The following MKLN1 variants were observed in gnomAD, a reference collection of about 807,000 sequenced individuals.
MKLN1 encodes muskelin.
MKLN1 carries 18 observed loss-of-function variants against 99.0 expected under a neutral mutation model. The observed-to-expected ratio is 0.18, with a 90% CI of 0.13 to 0.27. MKLN1 has a LOEUF of 0.27. Ranked by LOEUF, MKLN1 falls within the 10% of genes least tolerant of loss-of-function variation. The probability of loss-of-function intolerance (pLI) is 1.00; values close to 1 mark genes in which losing one functional copy is unlikely to be tolerated. For missense variants in MKLN1, 621 were observed against 875.9 expected (o/e 0.71, Z 3.67); for synonymous variants, 288 against 293.2 (o/e 0.98, Z 0.18).
At chr7:131,183,576 C>T (rs778536633) in intron 2 of MKLN1, among the ~76,000 whole-genome samples, 14 of 152,080 alleles carry the variant, frequency 9.2e-5, no homozygotes, top group Non-Finnish European at 1.3e-4. Flanking sequence ...AGTGTTAAAC[C>T]GTATGAAACA....
chr7:131,207,121 T>A (rs1796824558), intron 3 of MKLN1, among the ~76,000 whole-genome samples: 1 of 152,158 alleles, frequency 6.6e-6, no homozygotes, highest in Non-Finnish European at 1.5e-5. Context: ...TGAAGATATT[T>A]GAAGATGGGA....
chr7:131,444,849 G>C (rs1795963799), intron 11 of MKLN1, among the ~76,000 whole-genome samples: 1 of 150,926 alleles, frequency 6.6e-6, no homozygotes, highest in Admixed American at 6.6e-5. Context: ...GGAAGTAGGA[G>C]ACAGGGCCTT....
At chr7:131,447,631 T>C (rs1796052900) in intron 12 of MKLN1, among the ~76,000 whole-genome samples, 1 of 152,200 alleles carries the variant, frequency 6.6e-6, no homozygotes, top group Non-Finnish European at 1.5e-5. Context: ...GTAATTGATA[T>C]GACAATATGT....
chr7:131,185,215 C>T (rs1796431202), intron 2 of MKLN1, among the ~76,000 whole-genome samples: 1 of 152,170 alleles, frequency 6.6e-6, no homozygotes, highest in South Asian at 2.1e-4. Context: ...AATTCTCTGA[C>T]TCCTAACCTT....
intron 2 of MKLN1, among the ~76,000 whole-genome samples, chr7:131,184,156 G>A (rs1238123443): frequency 6.6e-6 from 1 of 151,974 alleles, no homozygotes; most frequent in African/African-American, 2.4e-5. Context: ...TTTAGAGACA[G>A]GGTCTCACTA....
At chr7:131,243,349 C>T (rs1370236300) in intron 3 of MKLN1, among the ~76,000 whole-genome samples, 3 of 152,034 alleles carry the variant, frequency 2.0e-5, no homozygotes, top group Admixed American at 1.3e-4. Context: ...TTCCGCAGTC[C>T]GTATAGAACA....
At chr7:131,303,426 A>C (rs1798404979) in intron 3 of MKLN1, among the ~76,000 whole-genome samples, 1 of 152,244 alleles carries the variant, frequency 6.6e-6, no homozygotes, top group African/African-American at 2.4e-5. Flanking sequence ...AATAAAAGGG[A>C]TATCCCCTTA....
intron 15 of MKLN1, among the ~76,000 whole-genome samples, chr7:131,467,005 T>C (rs1253385127): frequency 6.6e-6 from 1 of 152,110 alleles, no homozygotes; most frequent in Admixed American, 6.5e-5. Context: ...TACTAAAAAA[T>C]GCAGAAAAGG....
chr7:131,459,355 GA>G (rs1324076963), intron 12 of MKLN1, among the ~76,000 whole-genome samples: 6 of 152,132 alleles, frequency 3.9e-5, no homozygotes, highest in Admixed American at 1.3e-4. Context: ...CTAGTTTTTA[GA>G]ATTTAAAAGT....
At chr7:131,289,901 C>T (rs576364311) in intron 3 of MKLN1, among the ~76,000 whole-genome samples, 6 of 152,346 alleles carry the variant, frequency 3.9e-5, no homozygotes, top group African/African-American at 1.4e-4. Context: ...CACTTCTGAC[C>T]AAGGGCCTTT....
intron 3 of MKLN1, among the ~76,000 whole-genome samples, chr7:131,224,659 T>A (rs893784253): frequency 1.3e-4 from 19 of 151,526 alleles, no homozygotes; most frequent in African/African-American, 4.4e-4. Flanking sequence ...AGAGGATTAC[T>A]TGAACCCAGG....
intron 1 of MKLN1, among the ~76,000 whole-genome samples, chr7:131,372,182 T>C (rs905073230): frequency 2.0e-5 from 3 of 152,102 alleles, no homozygotes; most frequent in Non-Finnish European, 2.9e-5. Context: ...ATCATAGTTA[T>C]AATGTATTAG....
upstream of MKLN1, among the ~76,000 whole-genome samples, chr7:131,326,215 C>G (rs1798886372): frequency 6.6e-6 from 1 of 152,218 alleles, no homozygotes; most frequent in Non-Finnish European, 1.5e-5. Flanking sequence ...GGCTAACATT[C>G]TCTGGCCCTT....
intron 3 of MKLN1, among the ~76,000 whole-genome samples, chr7:131,261,227 G>T (rs1470405952): frequency 3.9e-5 from 6 of 152,090 alleles, no homozygotes; most frequent in South Asian, 2.1e-4. Flanking sequence ...ATGAGAGAAA[G>T]TATTTGCAAA....
intron 1 of MKLN1, among the ~76,000 whole-genome samples, chr7:131,333,122 C>T (rs906061870): frequency 6.6e-6 from 1 of 152,168 alleles, no homozygotes; most frequent in Non-Finnish European, 1.5e-5. Flanking sequence ...CACTGTTTCA[C>T]CATGTTGGCC....
At chr7:131,191,326 G>A (rs2116383482) in intron 2 of MKLN1, among the ~76,000 whole-genome samples, 1 of 152,342 alleles carries the variant, frequency 6.6e-6, no homozygotes, top group East Asian at 1.9e-4. Context: ...AGAAATCAAT[G>A]CCTTTCCAGA....
intron 1 of MKLN1, 138 bp downstream of exon 1, chr7:131,328,135 AGTT>A: frequency 9.3e-7 from 1 of 1,069,990 alleles, no homozygotes; most frequent in Non-Finnish European, 1.3e-6. Context: ...CCGGAGTCTT[AGTT>A]CAGCTGCTGA....
In MKLN1 at chr7:131,217,477, C is replaced by A. The variant is rs1002259400; in HGVS notation, c.-179+14503C>A. Reference sequence around the variant, plus strand: ...GTTTGGGAGGCTGAGGCAGGCAGATCACCTGAGGTCAGGAGTTCGAGACCA... The same window carrying A: ...GTTTGGGAGGCTGAGGCAGGCAGATAACCTGAGGTCAGGAGTTCGAGACCA... On this transcript the variant is annotated intron_variant, in intron 3 of 7. Transcript: ENST00000416992. Among the ~76,000 whole-genome samples, 13 of 152,200 alleles carry A rather than the reference C, an allele frequency of 8.5e-5. No homozygotes were observed. The East Asian group carries it at 1.9e-3, about 23-fold the overall frequency.
chr7:131,448,204 G>T (rs1796073411), intron 12 of MKLN1, among the ~76,000 whole-genome samples: 1 of 152,178 alleles, frequency 6.6e-6, no homozygotes, highest in Non-Finnish European at 1.5e-5. Flanking sequence ...CTCCACCCTG[G>T]GCGACAGAGC....
Sources: gnomAD v4.1 joint callset for allele counts (sites outside exome capture counted in the v4.1 genomes callset) on GRCh38, gnomAD v4.1.1 for gene constraint, MANE v1.5 for transcripts, NCBI Gene and HGNC (gene_info 2026-07-23, HGNC 2026-07-21) for gene names.